AKAP7: variants seen among roughly 807,000 people sequenced by gnomAD.
AKAP7 encodes the protein A-kinase anchoring protein 7, also known as A kinase (PRKA) anchor protein 7.
AKAP7 carries 39 observed loss-of-function variants against 39.5 expected under a neutral mutation model. The observed-to-expected ratio is 0.99, with a 90% CI of 0.76 to 1.29. The LOEUF (loss-of-function observed/expected upper bound fraction) is 1.29, where lower values mean the gene tolerates loss of function less well. Among genes scored for constraint, AKAP7 ranks in the 50% most tolerant of loss-of-function variants. The pLI, the probability that AKAP7 is intolerant of heterozygous loss-of-function variation, is 0.00. For synonymous variants in AKAP7, 140 were observed against 139.1 expected (o/e 1.01, Z -0.05); for missense variants, 414 against 407.7 (o/e 1.02, Z -0.13).
intron 7 of AKAP7, chr6:131,250,297 G>GGAGC: frequency 2.4e-6 from 3 of 1,248,970 alleles, no homozygotes; most frequent in Non-Finnish European, 3.0e-6. Flanking sequence ...TGAGAATACG[G>GGAGC]GAGCGTATAG....
chr6:131,270,672 C>A (rs1335101996), intron 7 of AKAP7, among the ~76,000 whole-genome samples: 1 of 152,142 alleles, frequency 6.6e-6, no homozygotes, highest in African/African-American at 2.4e-5. Context: ...GTGGCTATTA[C>A]CATTTTTGCA....
intron 2 of AKAP7, among the ~76,000 whole-genome samples, chr6:131,148,244 G>A (rs779459186): frequency 9.9e-5 from 15 of 152,120 alleles, no homozygotes; most frequent in Non-Finnish European, 2.2e-4. Flanking sequence ...TAATATATAC[G>A]CTTTTTGATA....
intron 5 of AKAP7, among the ~76,000 whole-genome samples, chr6:131,177,817 A>C (rs1804728227): frequency 6.6e-6 from 1 of 152,224 alleles, no homozygotes; most frequent in South Asian, 2.1e-4. Context: ...ATTGTAAATT[A>C]GCAACCGGAC....
At chr6:131,237,970 A>G (rs930508752) in intron 7 of AKAP7, among the ~76,000 whole-genome samples, 1 of 151,632 alleles carries the variant, frequency 6.6e-6, no homozygotes, top group Non-Finnish European at 1.5e-5. Context: ...TTTGCTCTCG[A>G]TTCTCTAGTT....
At position 131,169,191 on chromosome 6, in the gene AKAP7, A is replaced by G; in HGVS notation, c.507A>G (p.Gln169=). 2.5e-6 allele frequency: 4 copies of G among 1,614,096 alleles called. No individual in the cohort carries two copies. Among genetic ancestry groups the G allele is most frequent in the Non-Finnish European group, 3.4e-6 (4 of 1,179,982 alleles). ...LQGKHLTLPF[Q]GIGTFGNQVG... is the part of the protein sequence containing the mutation. ...GAAAACATTTGACTTTGCCCTTTCA[A>G]GGGATTGGTACTTTTGGAAATCAGG... Residue 169 remains glutamine (Q), a synonymous_variant, in exon 5 of 8, where the codon CAA becomes CAG. Coordinates refer to ENST00000431975, the MANE Select transcript of AKAP7 (RefSeq NM_016377.4).
chr6:131,204,290 A>T (rs1277982223), intron 6 of AKAP7, among the ~76,000 whole-genome samples: 2 of 152,214 alleles, frequency 1.3e-5, no homozygotes, highest in Non-Finnish European at 2.9e-5. Context: ...AACAATAGGG[A>T]AATGTTTAAG....
intron 3 of AKAP7, chr6:131,164,199 T>C (rs565610175): frequency 5.0e-5 from 16 of 318,950 alleles, no homozygotes; most frequent in South Asian, 4.0e-4. Context: ...TCCCTTTTTT[T>C]CTATTGTGCT....
intron 5 of AKAP7, among the ~76,000 whole-genome samples, chr6:131,196,277 T>C (rs1806919991): frequency 6.6e-6 from 1 of 151,338 alleles, no homozygotes; most frequent in African/African-American, 2.4e-5. Context: ...CTTTTTTTTT[T>C]TTTTTTGAGA....
chr6:131,253,654 A>T (rs1439019189), intron 7 of AKAP7, among the ~76,000 whole-genome samples: 3 of 136,880 alleles, frequency 2.2e-5, no homozygotes, highest in Non-Finnish European at 4.9e-5. Context: ...TCTCCATGAG[A>T]TCTACTTATT....
intron 1 of AKAP7, among the ~76,000 whole-genome samples, chr6:131,141,460 T>G (rs1801014957): frequency 6.6e-6 from 1 of 152,190 alleles, no homozygotes; most frequent in South Asian, 2.1e-4. Context: ...AAACTTTTCT[T>G]TAGTAATTAC....
chr6:131,157,122 T>G (rs923764422), intron 2 of AKAP7, among the ~76,000 whole-genome samples: 1 of 152,196 alleles, frequency 6.6e-6, no homozygotes, highest in African/African-American at 2.4e-5. Flanking sequence ...ATCTTCCTAA[T>G]TATGTTTAGT....
At position 131,184,734 on chromosome 6, in the gene AKAP7, C is replaced by T. The variant is rs1005409372; in HGVS notation, c.590-14727C>T. 3.2e-6 allele frequency: 3 copies of T among 950,074 alleles called. No homozygotes were observed. In the African/African-American group the frequency reaches 4.8e-5, roughly 15 times the overall value. The allele number at this position is 950,074 out of a possible 1,614,324, so 58.9% of individuals were successfully genotyped here. A position where few individuals can be genotyped will look rare whatever the true frequency, so the allele number is the denominator to read the frequency against. On this transcript the variant is annotated intron_variant, in intron 5 of 7. Coordinates refer to ENST00000431975, the MANE Select transcript of AKAP7 (RefSeq NM_016377.4). ...CAGGACCCTTTTTGGATTTCTGTTC[C>T]TCAGACCTCTGGGAAACAGGAGTGG...
the AKAP7 span, among the ~76,000 whole-genome samples, chr6:131,125,990 A>G: frequency 6.6e-6 from 1 of 152,320 alleles, no homozygotes; most frequent in South Asian, 2.1e-4. Flanking sequence ...CTTGGAGGCT[A>G]TGTGGCATTA....
intron 7 of AKAP7, among the ~76,000 whole-genome samples, chr6:131,244,660 T>A (rs1277893132): frequency 1.2e-4 from 19 of 152,198 alleles, no homozygotes; most frequent in Admixed American, 1.2e-3. Context: ...GGAGTAGGCA[T>A]TTGAAAATTG....
chr6:131,232,543 A>G (rs1211911073), intron 7 of AKAP7, among the ~76,000 whole-genome samples: 1 of 152,172 alleles, frequency 6.6e-6, no homozygotes, highest in East Asian at 1.9e-4. Flanking sequence ...TGAAATCGTT[A>G]CTGGCCGGCC....
chr6:131,256,728 T>C (rs1306370675), intron 7 of AKAP7, among the ~76,000 whole-genome samples: 3 of 151,276 alleles, frequency 2.0e-5, no homozygotes, highest in African/African-American at 4.9e-5. Flanking sequence ...ATTATTATTA[T>C]TATTATTAAA....
rs1815169349 is a variant in AKAP7, at chr6:131,281,249, GAGA to G, written c.851-276_851-274del. ...AGTAGTAGTAATTAGCCTTGGATGA[GAGA>G]AGAACAGAAATTCACATATAAATGG... On this transcript the variant is annotated intron_variant, in intron 7 of 7. Coordinates refer to ENST00000431975, the MANE Select transcript of AKAP7 (RefSeq NM_016377.4). The surrounding 1 kb of genome is among the most constrained non-coding windows in gnomAD (Gnocchi z 4.0). Among the ~76,000 whole-genome samples, 1 of 152,192 alleles carries G rather than the reference GAGA, an allele frequency of 6.6e-6. No homozygotes were observed. The highest frequency in any genetic ancestry group is 6.5e-5 in the Admixed American group (1 of 15,284).
intron 5 of AKAP7, among the ~76,000 whole-genome samples, chr6:131,175,365 T>G (rs1804478380): frequency 6.6e-6 from 1 of 152,152 alleles, no homozygotes; most frequent in South Asian, 2.1e-4. Flanking sequence ...TGTTCAAAGT[T>G]TGAGTCTGAT....
chr6:131,191,969 T>A lies in AKAP7; in HGVS notation c.590-7492T>A, dbSNP rs567885383. On this transcript the variant is annotated intron_variant, in intron 5 of 7. Coordinates refer to ENST00000431975, the MANE Select transcript of AKAP7 (RefSeq NM_016377.4). ...TTCATATCTTTTTGTAGAGACGGGG[T>A]CTATCCATGTTGCCCAGGCTGGTCT... 1.7e-4 allele frequency among the ~76,000 whole-genome samples: 26 copies of A among 150,946 alleles called. 1 individual carries two copies. In the South Asian group the frequency reaches 2.3e-3, roughly 13 times the overall value.
Sources: gnomAD v4.1 joint callset for allele counts (sites outside exome capture counted in the v4.1 genomes callset) on GRCh38, gnomAD v4.1.1 for gene constraint, Gnocchi (gnomAD v3.1) non-coding constraint, MANE v1.5 for transcripts, NCBI Gene and HGNC (gene_info 2026-07-23, HGNC 2026-07-21) for gene names.